Variants in CNTNAP2 observed in about 807,000 individuals in gnomAD.
The protein encoded by CNTNAP2 is contactin associated protein 2.
Under a neutral mutation model 155.2 loss-of-function variants are expected in CNTNAP2, and 98 were observed. That is an observed-to-expected ratio of 0.63 (90% CI 0.54 to 0.75). The LOEUF is 0.75. Among genes scored for constraint, CNTNAP2 ranks in the 30% least tolerant of loss-of-function variants. The pLI is 0.00. For missense variants in CNTNAP2, 1,727 were observed against 1,688.1 expected, an observed-to-expected ratio of 1.02 and a Z score of -0.40; for synonymous variants, 651 against 631.2, an observed-to-expected ratio of 1.03 and a Z score of -0.47.
At chr7:146,507,130 G>C (rs1186195053) in intron 1 of CNTNAP2, among the ~76,000 whole-genome samples, 1 of 152,178 alleles carries the variant, frequency 6.6e-6, no homozygotes, top group Non-Finnish European at 1.5e-5. Context: ...GAACATACTT[G>C]CTCCCCAACT....
intron 13 of CNTNAP2, among the ~76,000 whole-genome samples, chr7:147,769,579 G>A (rs1797435653): frequency 6.6e-6 from 1 of 152,124 alleles, no homozygotes; most frequent in Non-Finnish European, 1.5e-5. Context: ...GATGAAGGAA[G>A]AGCACAGAGA....
At chr7:147,294,388 G>T (rs146580400) in intron 8 of CNTNAP2, among the ~76,000 whole-genome samples, 231 of 152,062 alleles carry the variant, frequency 1.5e-3, no homozygotes, top group Non-Finnish European at 2.9e-3. Flanking sequence ...CCCTAACTTT[G>T]TGAATCATCT....
chr7:147,374,161 AT>A (rs200881264), intron 9 of CNTNAP2, among the ~76,000 whole-genome samples: 49 of 151,856 alleles, frequency 3.2e-4, no homozygotes, highest in African/African-American at 1.1e-3. Flanking sequence ...TTTTACTTTT[AT>A]TTTTTTTCTT....
chr7:146,739,360 G>C (rs1801672128), intron 1 of CNTNAP2, among the ~76,000 whole-genome samples: 1 of 151,726 alleles, frequency 6.6e-6, no homozygotes, highest in East Asian at 1.9e-4. Context: ...ATTTTCACTG[G>C]TCTCAAGAAA....
At chr7:146,500,894 C>T (rs76675996) in intron 1 of CNTNAP2, among the ~76,000 whole-genome samples, 12,912 of 151,948 alleles carry the variant, frequency 0.085, 1,439 homozygotes, top group African/African-American at 0.26. Flanking sequence ...GGCAATTTGC[C>T]TCTATTCTTA....
At chr7:148,169,596 T>C (rs912925683) in intron 17 of CNTNAP2, among the ~76,000 whole-genome samples, 6 of 152,186 alleles carry the variant, frequency 3.9e-5, no homozygotes, top group African/African-American at 1.4e-4. Flanking sequence ...AAATAAGTGA[T>C]AGTGCATTCA....
In CNTNAP2 at chr7:146,819,216, G is replaced by A. The variant is rs567449272; in HGVS notation, c.209-20495G>A. On this transcript the variant is annotated intron_variant, in intron 2 of 23. Transcript: ENST00000361727. ...TGATTATGAATAGTGGTAGATGGAA[G>A]CAATGAACATATTGGTGCACATTAT... Among the ~76,000 whole-genome samples the A allele has an allele frequency of 2.2e-4, 34 of 152,264 alleles. No individual in the cohort carries two copies. The South Asian group carries it at 6.8e-3, about 31-fold the overall frequency.
At chr7:146,183,234 A>C (rs184729893) in intron 1 of CNTNAP2, among the ~76,000 whole-genome samples, 1 of 152,170 alleles carries the variant, frequency 6.6e-6, no homozygotes, top group Admixed American at 6.5e-5. Flanking sequence ...ATCTCACAAT[A>C]TAAGGAGAAG....
intron 1 of CNTNAP2, among the ~76,000 whole-genome samples, chr7:146,365,560 A>G (rs538449762): frequency 2.6e-5 from 4 of 152,310 alleles, no homozygotes; most frequent in East Asian, 1.9e-4. Context: ...ACATTCACAG[A>G]CACACACACA....
intron 21 of CNTNAP2, among the ~76,000 whole-genome samples, chr7:148,317,141 A>C (rs574803080): frequency 5.9e-5 from 9 of 152,340 alleles, no homozygotes; most frequent in African/African-American, 2.2e-4. Context: ...AGATCACCTG[A>C]GGTCAGGAGT....
At chr7:147,356,785 G>A (rs1052571375) in intron 9 of CNTNAP2, among the ~76,000 whole-genome samples, 11 of 152,074 alleles carry the variant, frequency 7.2e-5, no homozygotes, top group South Asian at 2.1e-4. Flanking sequence ...GTCATAATTC[G>A]GATTGGTATT....
chr7:146,646,558 A>T (rs1799815838), intron 1 of CNTNAP2, among the ~76,000 whole-genome samples: 1 of 152,192 alleles, frequency 6.6e-6, no homozygotes. Flanking sequence ...TGTATTTTAA[A>T]ATTATAATTG....
intron 3 of CNTNAP2, among the ~76,000 whole-genome samples, chr7:146,918,093 C>G (rs770881375): frequency 6.6e-6 from 1 of 152,170 alleles, no homozygotes; most frequent in Admixed American, 6.6e-5. Context: ...AGGTGAGTCT[C>G]TTGAAGACAG....
intron 3 of CNTNAP2, among the ~76,000 whole-genome samples, chr7:146,958,406 GGTTT>G (rs1797482410): frequency 8.6e-6 from 1 of 116,930 alleles, no homozygotes; most frequent in Non-Finnish European, 1.8e-5. Flanking sequence ...ACATTTTTAT[GGTTT>G]TTTTTTTTTT....
At chr7:148,379,910 A>G (rs553945897) in intron 21 of CNTNAP2, among the ~76,000 whole-genome samples, 2 of 152,300 alleles carry the variant, frequency 1.3e-5, no homozygotes, top group East Asian at 3.9e-4. Flanking sequence ...CTTGGCATTC[A>G]GTAACTGAAC....
intron 13 of CNTNAP2, among the ~76,000 whole-genome samples, chr7:147,895,178 T>A (rs568631307): frequency 7.0e-6 from 1 of 142,450 alleles, no homozygotes; most frequent in South Asian, 2.2e-4. Flanking sequence ...TTCATCATGT[T>A]GGCCAGGCTG....
intron 1 of CNTNAP2, among the ~76,000 whole-genome samples, chr7:146,456,055 TA>T (rs900845750): frequency 5.3e-5 from 8 of 151,728 alleles, no homozygotes; most frequent in African/African-American, 9.7e-5. Flanking sequence ...AGTTTTTTCT[TA>T]AAAAAAAGGG....
chr7:148,409,099 G>T (rs375965233), intron 22 of CNTNAP2, among the ~76,000 whole-genome samples: 38 of 152,284 alleles, frequency 2.5e-4, no homozygotes, highest in African/African-American at 8.4e-4. Flanking sequence ...GCATAAACTC[G>T]TCTGTCTGTG....
intron 3 of CNTNAP2, among the ~76,000 whole-genome samples, chr7:146,951,055 C>CT (rs1013428485): frequency 2.0e-5 from 3 of 152,132 alleles, no homozygotes; most frequent in African/African-American, 4.8e-5. Flanking sequence ...TGATTATGAG[C>CT]TTTTTTTCAT....
Sources: gnomAD v4.1 joint callset for allele counts (sites outside exome capture counted in the v4.1 genomes callset) on GRCh38, gnomAD v4.1.1 for gene constraint, MANE v1.5 for transcripts, NCBI Gene and HGNC (gene_info 2026-07-23, HGNC 2026-07-21) for gene names.